CCSER1: variants seen among roughly 807,000 people sequenced by gnomAD.
The protein encoded by CCSER1 is coiled-coil serine rich protein 1, also known as serine-rich coiled-coil domain-containing protein 1.
Under a neutral mutation model 82.0 loss-of-function variants are expected in CCSER1, and 41 were observed. The ratio of observed to expected loss-of-function variants is 0.50; its 90% CI spans 0.39 to 0.65. CCSER1 has a LOEUF of 0.65. Among genes scored for constraint, CCSER1 ranks in the 30% least tolerant of loss-of-function variants. The pLI, the probability that CCSER1 is intolerant of heterozygous loss-of-function variation, is 0.00. For synonymous variants in CCSER1, 414 were observed against 383.9 expected, an observed-to-expected ratio of 1.08 and a Z score of -0.92; for missense variants, 1,119 against 1,064.2, an observed-to-expected ratio of 1.05 and a Z score of -0.72.
At chr4:90,973,317 T>C (rs1735294605) in intron 9 of CCSER1, among the ~76,000 whole-genome samples, 1 of 151,670 alleles carries the variant, frequency 6.6e-6, no homozygotes, top group African/African-American at 2.4e-5. Flanking sequence ...AGTAATTCAA[T>C]AGAAGAAAAC....
chr4:90,756,018 G>A (rs1749465785), intron 7 of CCSER1, among the ~76,000 whole-genome samples: 1 of 152,162 alleles, frequency 6.6e-6, no homozygotes, highest in South Asian at 2.1e-4. Flanking sequence ...GTTGAAGTCA[G>A]AAGTTTGAGA....
rs1158400590 is a variant in CCSER1 at position 90,276,309 on chromosome 4, T to TCC, written c.-41-31935_-41-31934insCC. Among the ~76,000 whole-genome samples the TCC allele has an allele frequency of 1.4e-3, 165 of 117,106 alleles. 3 individuals carry two copies. The highest frequency in any genetic ancestry group is 2.1e-3 in the South Asian group (7 of 3,366). The allele number at this position is 117,106 out of a possible 152,430, so 76.8% of individuals were successfully genotyped here. A position where few individuals can be genotyped will look rare whatever the true frequency, so the allele number is the denominator to read the frequency against. ...TTCCTTCCTTCCTTCCTTCCTTCCT[T>TCC]TCTTTCTTTTTCTTTCTTTCTTTCT... On this transcript the variant is annotated intron_variant, in intron 1 of 10. Coordinates refer to ENST00000509176, the MANE Select transcript of CCSER1 (RefSeq NM_001145065.2).
intron 9 of CCSER1, among the ~76,000 whole-genome samples, chr4:91,045,702 T>C (rs1160554869): frequency 2.0e-5 from 3 of 152,154 alleles, no homozygotes; most frequent in Non-Finnish European, 4.4e-5. Context: ...TCCTATAAAG[T>C]AGCTTTTAAT....
chr4:90,914,966 A>T (rs1240420196), intron 8 of CCSER1, among the ~76,000 whole-genome samples: 1 of 152,182 alleles, frequency 6.6e-6, no homozygotes, highest in African/African-American at 2.4e-5. Context: ...CTAAACCAGG[A>T]AGAAGGTGAA....
chr4:90,267,457 G>T (rs968857332), intron 1 of CCSER1, among the ~76,000 whole-genome samples: 1 of 152,078 alleles, frequency 6.6e-6, no homozygotes, highest in Non-Finnish European at 1.5e-5. Context: ...GGCTGGGTTC[G>T]CTACCTGCTG....
chr4:90,232,822 C>G (rs1315290446), intron 1 of CCSER1, among the ~76,000 whole-genome samples: 1 of 151,490 alleles, frequency 6.6e-6, no homozygotes, highest in Non-Finnish European at 1.5e-5. Flanking sequence ...AGGACATGAA[C>G]AGACACTTCT....
intron 9 of CCSER1, among the ~76,000 whole-genome samples, chr4:90,994,852 A>G (rs1581281996): frequency 6.6e-6 from 1 of 152,184 alleles, no homozygotes; most frequent in African/African-American, 2.4e-5. Flanking sequence ...AAGTCAGATC[A>G]TGTAGCTCCA....
At chr4:90,395,662 C>CTTT (rs763580259) in intron 3 of CCSER1, among the ~76,000 whole-genome samples, 88 of 140,834 alleles carry the variant, frequency 6.2e-4, no homozygotes, top group African/African-American at 1.9e-3. Flanking sequence ...GCTCTTATGT[C>CTTT]TTTTTTTTTT....
intron 6 of CCSER1, among the ~76,000 whole-genome samples, chr4:90,655,863 A>C (rs1240966154): frequency 2.0e-5 from 3 of 151,982 alleles, no homozygotes; most frequent in African/African-American, 7.2e-5. Context: ...TTTTTAAAAT[A>C]GTATGCCCTA....
Position 90,310,431 on chromosome 4 carries a change from T to C in CCSER1, c.1324+823T>C, listed in dbSNP as rs116162371. Among the ~76,000 whole-genome samples the C allele has an allele frequency of 7.1e-3, 1,078 of 152,190 alleles. 6 individuals are homozygous for C. The highest frequency in any genetic ancestry group is 0.01 in the Non-Finnish European group (710 of 67,932). ...ATGCTACTACTGCTACTAATAATTT[T>C]CCCAAATTTGGAAGTGATTATTATG... On this transcript the variant is annotated intron_variant, in intron 2 of 10. Coordinates refer to ENST00000509176, the MANE Select transcript of CCSER1 (RefSeq NM_001145065.2).
intron 8 of CCSER1, among the ~76,000 whole-genome samples, chr4:90,853,551 C>T (rs1405720604): frequency 6.6e-6 from 1 of 152,074 alleles, no homozygotes; most frequent in Non-Finnish European, 1.5e-5. Context: ...CTTGTGTTTT[C>T]TCTGTGCTCG....
intron 10 of CCSER1, among the ~76,000 whole-genome samples, chr4:91,291,471 A>G (rs888474398): frequency 1.3e-5 from 2 of 151,570 alleles, no homozygotes; most frequent in Non-Finnish European, 2.9e-5. Context: ...CCGTACAGGA[A>G]GCATGATGCT....
chr4:90,648,906 T>C (rs1728210796), intron 6 of CCSER1, among the ~76,000 whole-genome samples: 1 of 152,322 alleles, frequency 6.6e-6, no homozygotes, highest in South Asian at 2.1e-4. Flanking sequence ...GTTGTACTAA[T>C]ATAGGGAAGA....
intron 4 of CCSER1, among the ~76,000 whole-genome samples, chr4:90,456,504 G>A (rs913203175): frequency 2.0e-5 from 3 of 152,176 alleles, no homozygotes; most frequent in African/African-American, 7.2e-5. Context: ...AGAGGCCTTT[G>A]GATAACACTG....
At chr4:90,420,327 CAGA>C (rs754793245) in intron 4 of CCSER1, among the ~76,000 whole-genome samples, 29 of 151,962 alleles carry the variant, frequency 1.9e-4, no homozygotes, top group Non-Finnish European at 3.1e-4. Flanking sequence ...ACTTAAGTGA[CAGA>C]ATAATGTTCT....
At chr4:90,544,695 C>T (rs1001863578) in intron 5 of CCSER1, among the ~76,000 whole-genome samples, 1 of 151,992 alleles carries the variant, frequency 6.6e-6, no homozygotes, top group African/African-American at 2.4e-5. Context: ...TCTGGTGTGA[C>T]ATTTTCTACC....
chr4:90,385,145 A>T (rs1749821517), intron 3 of CCSER1, among the ~76,000 whole-genome samples: 2 of 152,130 alleles, frequency 1.3e-5, no homozygotes. Flanking sequence ...GGACACTTAG[A>T]TTCATTCCAT....
intron 1 of CCSER1, among the ~76,000 whole-genome samples, chr4:90,285,999 T>A (rs1241822975): frequency 6.6e-6 from 1 of 152,084 alleles, no homozygotes; most frequent in Non-Finnish European, 1.5e-5. Context: ...TTGATCATGA[T>A]GAATGATCTA....
At chr4:91,200,257 A>T (rs946153138) in intron 10 of CCSER1, among the ~76,000 whole-genome samples, 1 of 152,120 alleles carries the variant, frequency 6.6e-6, no homozygotes, top group Non-Finnish European at 1.5e-5. Flanking sequence ...AAATAAAGTT[A>T]TATGTTATTG....
Sources: allele counts gnomAD v4.1 joint callset (sites outside exome capture counted in the v4.1 genomes callset), GRCh38; gene constraint gnomAD v4.1.1; transcripts MANE v1.5; gene names NCBI Gene and HGNC (gene_info 2026-07-23, HGNC 2026-07-21).